WWOX: variants seen among roughly 807,000 people sequenced by gnomAD.
WWOX encodes WW domain-containing oxidoreductase.
Under a neutral mutation model 46.2 loss-of-function variants are expected in WWOX, and 69 were observed. The observed-to-expected ratio is 1.49, with a 90% CI of 1.23 to 1.82. The LOEUF is 1.82. Among genes scored for constraint, WWOX ranks in the 40% most tolerant of loss-of-function variants. The pLI, the probability that WWOX is intolerant of heterozygous loss-of-function variation, is 0.00. For missense variants in WWOX, 919 were observed against 542.6 expected (o/e 1.69, Z -6.89); for synonymous variants, 359 against 202.6 (o/e 1.77, Z -6.56).
chr16:78,974,008 A>G (rs994545037), intron 8 of WWOX, among the ~76,000 whole-genome samples: 7 of 152,196 alleles, frequency 4.6e-5, no homozygotes, highest in African/African-American at 1.7e-4. Flanking sequence ...CCCTAGCACA[A>G]AACTCATGCA....
At chr16:78,647,538 T>G (rs1022278940) in intron 8 of WWOX, among the ~76,000 whole-genome samples, 2 of 152,192 alleles carry the variant, frequency 1.3e-5, no homozygotes, top group Non-Finnish European at 2.9e-5. Flanking sequence ...ATGCTAAGCC[T>G]AATCTCCATC....
chr16:78,328,224 A>G (rs995835673), intron 5 of WWOX, among the ~76,000 whole-genome samples: 1 of 151,998 alleles, frequency 6.6e-6, no homozygotes, highest in Non-Finnish European at 1.5e-5. Flanking sequence ...AAATTCCCGA[A>G]CCTTCAAAAA....
chr16:78,620,502 G>T (rs1247733996), intron 8 of WWOX, among the ~76,000 whole-genome samples: 1 of 152,134 alleles, frequency 6.6e-6, no homozygotes, highest in East Asian at 1.9e-4. Flanking sequence ...AGCTGCCTTG[G>T]TCATGTACCC....
At chr16:79,036,246 C>A (rs1395185417) in intron 8 of WWOX, among the ~76,000 whole-genome samples, 2 of 152,220 alleles carry the variant, frequency 1.3e-5, no homozygotes, top group African/African-American at 4.8e-5. Flanking sequence ...GTCAACCATG[C>A]CATGGGGCCT....
In WWOX at chr16:78,843,371, TGTG is replaced by T. The variant is rs2052211902; in HGVS notation, c.1057-368233_1057-368231del. ...CCAACCCAATCTGGAAAACGATTAT[TGTG>T]GTGCCTGTTTTGTTGACTTAACAAA... On this transcript the variant is annotated intron_variant, in intron 8 of 8. Transcript: ENST00000566780. Among the ~76,000 whole-genome samples, 3 of 150,274 alleles carry T rather than the reference TGTG, an allele frequency of 2.0e-5. No individual in the cohort carries two copies. The East Asian group carries it at 5.9e-4, about 29-fold the overall frequency.
At chr16:78,422,050 G>A (rs548317233) in intron 6 of WWOX, among the ~76,000 whole-genome samples, 1 of 152,086 alleles carries the variant, frequency 6.6e-6, no homozygotes, top group South Asian at 2.1e-4. Context: ...TTTACTACTA[G>A]TGTAGTTGGA....
intron 8 of WWOX, among the ~76,000 whole-genome samples, chr16:78,754,706 T>G (rs2049592252): frequency 6.6e-6 from 1 of 152,172 alleles, no homozygotes; most frequent in Non-Finnish European, 1.5e-5. Flanking sequence ...TGCAGTGCAT[T>G]TATTTGGTTT....
chr16:78,906,111 T>C (rs2044956578), intron 8 of WWOX, among the ~76,000 whole-genome samples: 2 of 152,188 alleles, frequency 1.3e-5, no homozygotes, highest in Admixed American at 1.3e-4. Context: ...CTGAGGAGTC[T>C]GAGGGGAATG....
At position 79,074,409 on chromosome 16, in the gene WWOX, C is replaced by CTTTTTTTTT. The variant is rs60074156; in HGVS notation, c.1057-137174_1057-137166dup. On this transcript the variant is annotated intron_variant, in intron 8 of 8. Transcript: ENST00000566780. Reference sequence around the variant, plus strand: ...CATCCTGACTGAAATGTCACTAGTCCTTTTTTTTTTTTTTTTTTTTTTTTT... The same window carrying CTTTTTTTTT: ...CATCCTGACTGAAATGTCACTAGTCCTTTTTTTTTTTTTTTTTTTTTTTTTTTTTTTTTT... 3.9e-3 allele frequency among the ~76,000 whole-genome samples: 120 copies of CTTTTTTTTT among 30,976 alleles called. 6 individuals carry two copies. The highest frequency in any genetic ancestry group is 5.5e-3 in the East Asian group (4 of 724). The allele number at this position is 30,976 out of a possible 152,430, so 20.3% of individuals were successfully genotyped here. A position where few individuals can be genotyped will look rare whatever the true frequency, so the allele number is the denominator to read the frequency against.
chr16:78,832,101 G>A (rs2051842983), intron 8 of WWOX, among the ~76,000 whole-genome samples: 1 of 152,192 alleles, frequency 6.6e-6, no homozygotes, highest in African/African-American at 2.4e-5. Flanking sequence ...GAGTGGCTTA[G>A]CTGGGTGATT....
chr16:78,630,069 G>A (rs1376988256), intron 8 of WWOX, among the ~76,000 whole-genome samples: 1 of 152,100 alleles, frequency 6.6e-6, no homozygotes, highest in African/African-American at 2.4e-5. Context: ...CAAGGGCAGG[G>A]ATTTTAGTCT....
chr16:78,556,107 G>A (rs1212248238), intron 8 of WWOX, among the ~76,000 whole-genome samples: 1 of 152,008 alleles, frequency 6.6e-6, no homozygotes, highest in Non-Finnish European at 1.5e-5. Flanking sequence ...GGTACCTAGA[G>A]GGTCAATTAG....
At chr16:78,537,310 A>G (rs2043782937) in intron 8 of WWOX, among the ~76,000 whole-genome samples, 1 of 152,146 alleles carries the variant, frequency 6.6e-6, no homozygotes, top group South Asian at 2.1e-4. Context: ...AATCTTTGAA[A>G]TAACCCAATG....
intron 8 of WWOX, among the ~76,000 whole-genome samples, chr16:78,992,620 T>C (rs2046910594): frequency 6.6e-6 from 1 of 152,198 alleles, no homozygotes; most frequent in South Asian, 2.1e-4. Flanking sequence ...CAGCTCCCCA[T>C]CCCTTCCCAT....
At chr16:78,854,235 A>G (rs1030122259) in intron 8 of WWOX, among the ~76,000 whole-genome samples, 6 of 152,226 alleles carry the variant, frequency 3.9e-5, no homozygotes, top group African/African-American at 1.2e-4. Context: ...AGCTTGTATT[A>G]TAATAAAACT....
chr16:78,657,528 C>G (rs1163271475), intron 8 of WWOX, among the ~76,000 whole-genome samples: 2 of 152,204 alleles, frequency 1.3e-5, no homozygotes, highest in Non-Finnish European at 2.9e-5. Flanking sequence ...TCAGCAGACC[C>G]AGAGTCTAAC....
intron 8 of WWOX, among the ~76,000 whole-genome samples, chr16:78,933,906 C>T (rs972121332): frequency 2.0e-5 from 3 of 151,998 alleles, no homozygotes; most frequent in Non-Finnish European, 4.4e-5. Flanking sequence ...CAAAACATAA[C>T]TATAGCTGGG....
chr16:78,750,370 C>T (rs2049446956), intron 8 of WWOX, among the ~76,000 whole-genome samples: 1 of 152,014 alleles, frequency 6.6e-6, no homozygotes, highest in South Asian at 2.1e-4. Flanking sequence ...GTTGTGAACC[C>T]GAAAGGATTT....
chr16:78,434,263 G>A (rs937839194), intron 8 of WWOX, among the ~76,000 whole-genome samples: 1 of 152,158 alleles, frequency 6.6e-6, no homozygotes, highest in African/African-American at 2.4e-5. Flanking sequence ...TACGGAGAAT[G>A]GTGTTCCATG....
Sources: gnomAD v4.1 joint callset for allele counts (sites outside exome capture counted in the v4.1 genomes callset) on GRCh38, gnomAD v4.1.1 for gene constraint, MANE v1.5 for transcripts, NCBI Gene and HGNC (gene_info 2026-07-23, HGNC 2026-07-21) for gene names.